The following FHOD3 variants were observed in gnomAD, a reference collection of about 807,000 sequenced individuals.
FHOD3 encodes formin homology 2 domain containing 3.
In FHOD3, 90 loss-of-function variants were observed where a neutral mutation model predicts 173.0. The ratio of observed to expected loss-of-function variants is 0.52; its 90% CI spans 0.44 to 0.62. The LOEUF is 0.62. FHOD3 is among the 20% of genes least tolerant of loss of function. The pLI is 0.00. For missense variants in FHOD3, 1,945 were observed against 2,034.7 expected (o/e 0.96, Z 0.85); for synonymous variants, 828 against 823.0 (o/e 1.01, Z -0.10).
At chr18:36,339,941 C>A (rs1320373417) in intron 1 of FHOD3, among the ~76,000 whole-genome samples, 1 of 151,968 alleles carries the variant, frequency 6.6e-6, no homozygotes, top group Non-Finnish European at 1.5e-5. Flanking sequence ...ATGCATAAAC[C>A]CTGTTCTTAT....
intron 3 of FHOD3, among the ~76,000 whole-genome samples, chr18:36,409,042 T>C (rs1216932494): frequency 6.6e-6 from 1 of 152,102 alleles, no homozygotes; most frequent in Non-Finnish European, 1.5e-5. Flanking sequence ...GACAAAGACT[T>C]GAACTGGGGC....
intron 7 of FHOD3, among the ~76,000 whole-genome samples, chr18:36,595,379 C>A (rs2030160663): frequency 1.3e-5 from 2 of 152,166 alleles, no homozygotes; most frequent in South Asian, 4.1e-4. Context: ...ACAGTTCGGT[C>A]ACATCCAAAA....
In FHOD3 at chr18:36,625,588, C is replaced by T. The variant is rs60414347; in HGVS notation, c.1035C>T (p.Ser345=). ...PSGCRDRRRA[S]VCSSGGGEHR... ...GGTGCCGGGACCGGAGGAGGGCCAG[C>T]GTGTGTTCCAGTGGCGGAGGCGAGC... Residue 345 remains serine (S), a synonymous_variant, in exon 10 of 29, where the codon AGC becomes AGT. Transcript: ENST00000590592. 0.062 allele frequency: 97,549 copies of T among 1,571,460 alleles called. 3,782 individuals carry two copies. Among genetic ancestry groups the T allele is most frequent in the East Asian group, 0.19 (8,015 of 42,298 alleles).
intron 3 of FHOD3, among the ~76,000 whole-genome samples, chr18:36,439,755 T>C (rs1335308740): frequency 6.6e-6 from 1 of 151,820 alleles, no homozygotes; most frequent in Non-Finnish European, 1.5e-5. Context: ...ACCTGGGAGG[T>C]AGCTGGTGTT....
At chr18:36,550,243 C>CATATATATAT (rs371573246) in intron 5 of FHOD3, among the ~76,000 whole-genome samples, 2,039 of 120,554 alleles carry the variant, frequency 0.017, 42 homozygotes, top group East Asian at 0.056. Flanking sequence ...AGTGGTAGAC[C>CATATATATAT]ATATATATAT....
chr18:36,568,367 A>AAAAAAAAAAG (rs1568437858), intron 5 of FHOD3, among the ~76,000 whole-genome samples: 1 of 109,352 alleles, frequency 9.1e-6, no homozygotes, highest in African/African-American at 3.4e-5. Context: ...AAAAAAAAAA[A>AAAAAAAAAAG]GGTGGTGGAG....
chr18:36,560,345 G>GTTTCCAC, intron 5 of FHOD3, among the ~76,000 whole-genome samples: 1 of 152,340 alleles, frequency 6.6e-6, no homozygotes, highest in East Asian at 1.9e-4. Flanking sequence ...TTGATAAACA[G>GTTTCCAC]TTTCCACTGG....
chr18:36,411,837 C>T (rs2049366789), intron 3 of FHOD3, among the ~76,000 whole-genome samples: 4 of 152,256 alleles, frequency 2.6e-5, no homozygotes, highest in Admixed American at 2.6e-4. Flanking sequence ...AGTCCTAAAA[C>T]AAGGCCACCA....
At chr18:36,462,791 A>AT (rs1314551091) in intron 3 of FHOD3, among the ~76,000 whole-genome samples, 1 of 152,116 alleles carries the variant, frequency 6.6e-6, no homozygotes. Flanking sequence ...TTTGCAGCTA[A>AT]TTTTTAAATA....
At position 36,512,312 on chromosome 18, in the gene FHOD3, A is replaced by G. The variant is rs1013882793; in HGVS notation, c.406-126A>G. On this transcript the variant is annotated intron_variant, in intron 4 of 28. Transcript: ENST00000590592. ...GCAACAGTTGATATGCTTCATTTGA[A>G]TACAGCAGAGCAATCTGTAGGGTCC... 1.0e-5 allele frequency: 7 copies of G among 700,172 alleles called. No individual in the cohort carries two copies. The African/African-American group carries it at 1.2e-4, about 12-fold the overall frequency. The allele number at this position is 700,172 out of a possible 1,614,324, so 43.4% of individuals were successfully genotyped here.
rs973026986 is a variant in FHOD3, at chr18:36,635,969, C to T, written c.1196+10220C>T. On this transcript the variant is annotated intron_variant, in intron 10 of 28. Coordinates refer to ENST00000590592, the MANE Select transcript of FHOD3 (RefSeq NM_001281740.3). ...TGACTGTTTCTCAGGCTAGAGTGGA[C>T]TTAGGTGGTATGAGGGCTCTGGAAG... Among the ~76,000 whole-genome samples the T allele has an allele frequency of 3.3e-5, 5 of 152,138 alleles. No homozygotes were observed. In the East Asian group the frequency reaches 9.6e-4, roughly 29 times the overall value.
intron 14 of FHOD3, among the ~76,000 whole-genome samples, chr18:36,671,094 T>A (rs546644290): frequency 6.6e-6 from 1 of 152,384 alleles, no homozygotes; most frequent in South Asian, 2.1e-4. Context: ...TTTACATGCA[T>A]ATGCTGAACA....
chr18:36,568,627 A>G (rs2147839763), intron 5 of FHOD3, among the ~76,000 whole-genome samples: 1 of 152,232 alleles, frequency 6.6e-6, no homozygotes, highest in East Asian at 1.9e-4. Flanking sequence ...GCTCAACCAA[A>G]TGGCACGGCA....
intron 5 of FHOD3, among the ~76,000 whole-genome samples, chr18:36,542,881 G>A (rs563599472): frequency 7.2e-5 from 11 of 152,276 alleles, no homozygotes; most frequent in Non-Finnish European, 8.8e-5. Context: ...AGCTCCCTGT[G>A]AGGGTCATTT....
intron 5 of FHOD3, among the ~76,000 whole-genome samples, chr18:36,545,525 G>A (rs746773080): frequency 6.6e-6 from 1 of 152,178 alleles, no homozygotes; most frequent in Non-Finnish European, 1.5e-5. Context: ...TGAATCGTCA[G>A]GAACACTGTT....
intron 5 of FHOD3, among the ~76,000 whole-genome samples, chr18:36,574,114 A>G (rs181634384): frequency 1.7e-4 from 26 of 152,252 alleles, no homozygotes; most frequent in African/African-American, 5.8e-4. Flanking sequence ...TAATACCTAT[A>G]AAGTCCCTCT....
intron 7 of FHOD3, among the ~76,000 whole-genome samples, chr18:36,596,277 C>T (rs184857853): frequency 6.0e-5 from 9 of 151,120 alleles, no homozygotes; most frequent in African/African-American, 2.2e-4. Context: ...GCCTCAGCCT[C>T]CCGAGTGGCT....
intron 3 of FHOD3, among the ~76,000 whole-genome samples, chr18:36,450,439 GTTTGTTTATTTATTTA>G (rs1290123402): frequency 0.073 from 6,683 of 91,116 alleles, 207 homozygotes; most frequent in African/African-American, 0.14. Context: ...TTTACGACCA[GTTTGTTTATTTATTTA>G]TTTATTTATT....
intron 22 of FHOD3, among the ~76,000 whole-genome samples, chr18:36,743,736 G>T (rs1269181882): frequency 1.3e-5 from 2 of 152,144 alleles, no homozygotes; most frequent in Non-Finnish European, 2.9e-5. Flanking sequence ...ACAGGCAAAG[G>T]GAGGAAGAAG....
Sources: gnomAD v4.1 joint callset for allele counts (sites outside exome capture counted in the v4.1 genomes callset) on GRCh38, gnomAD v4.1.1 for gene constraint, MANE v1.5 for transcripts, NCBI Gene and HGNC (gene_info 2026-07-23, HGNC 2026-07-21) for gene names.